The following EXOC4 variants were observed in gnomAD, a reference collection of about 807,000 sequenced individuals.
EXOC4 encodes the protein exocyst complex component 4.
Under a neutral mutation model 107.2 loss-of-function variants are expected in EXOC4, and 71 were observed. The ratio of observed to expected loss-of-function variants is 0.66; its 90% CI spans 0.55 to 0.81. The LOEUF (loss-of-function observed/expected upper bound fraction) is 0.81. Ranked by LOEUF, EXOC4 falls within the 30% of genes least tolerant of loss-of-function variation. The pLI, the probability that EXOC4 is intolerant of heterozygous loss-of-function variation, is 0.00. For missense variants in EXOC4, 1,108 were observed against 1,189.6 expected, an observed-to-expected ratio of 0.93 and a Z score of 1.01; for synonymous variants, 456 against 441.2, an observed-to-expected ratio of 1.03 and a Z score of -0.42.
chr7:134,045,319 C>G (rs1283717088), intron 17 of EXOC4, among the ~76,000 whole-genome samples: 2 of 152,146 alleles, frequency 1.3e-5, no homozygotes, highest in Non-Finnish European at 2.9e-5. Flanking sequence ...AGTTCAAAGG[C>G]ATTTAGTACA....
chr7:133,971,506 T>C (rs142174410), intron 14 of EXOC4, among the ~76,000 whole-genome samples: 160 of 151,510 alleles, frequency 1.1e-3, no homozygotes, highest in African/African-American at 3.4e-3. Flanking sequence ...TTTTTTCTTA[T>C]AGAAGATTGT....
intron 9 of EXOC4, among the ~76,000 whole-genome samples, chr7:133,559,601 A>G (rs1018552174): frequency 4.6e-5 from 7 of 152,206 alleles, no homozygotes; most frequent in African/African-American, 1.7e-4. Context: ...GCATAAACAA[A>G]GTTGGGTAAT....
At chr7:133,555,528 T>G (rs1489355757) in intron 9 of EXOC4, among the ~76,000 whole-genome samples, 2 of 152,208 alleles carry the variant, frequency 1.3e-5, no homozygotes, top group Non-Finnish European at 2.9e-5. Context: ...AAATTTTGGC[T>G]TTGCTACTCC....
intron 9 of EXOC4, among the ~76,000 whole-genome samples, chr7:133,594,330 CT>C (rs1801614297): frequency 6.6e-6 from 1 of 152,094 alleles, no homozygotes; most frequent in African/African-American, 2.4e-5. Flanking sequence ...AGACCTTTCT[CT>C]CTTCTTTTCC....
chr7:133,782,502 T>C (rs1796488153), intron 10 of EXOC4, among the ~76,000 whole-genome samples: 1 of 152,164 alleles, frequency 6.6e-6, no homozygotes, highest in South Asian at 2.1e-4. Context: ...TCTTTTGCAA[T>C]AATCTGCTTG....
chr7:133,429,694 G>C (rs1797809944), intron 7 of EXOC4, among the ~76,000 whole-genome samples: 1 of 152,190 alleles, frequency 6.6e-6, no homozygotes, highest in Admixed American at 6.5e-5. Flanking sequence ...CATGTAAATA[G>C]AATCATACAG....
chr7:133,668,584 C>T (rs1793868942), intron 10 of EXOC4, among the ~76,000 whole-genome samples: 1 of 152,176 alleles, frequency 6.6e-6, no homozygotes. Context: ...TGAAATTTAA[C>T]TGAAGTGTTA....
chr7:133,475,100 A>T (rs1478051013), intron 7 of EXOC4, among the ~76,000 whole-genome samples: 1 of 152,140 alleles, frequency 6.6e-6, no homozygotes, highest in Non-Finnish European at 1.5e-5. Context: ...TTTTACTCCC[A>T]TGTTCAAATG....
intron 1 of EXOC4, among the ~76,000 whole-genome samples, chr7:133,270,949 C>T (rs1210966791): frequency 7.0e-6 from 1 of 143,608 alleles, no homozygotes; most frequent in African/African-American, 2.6e-5. Context: ...GATGGAGTCT[C>T]TCTCTGTTGC....
chr7:133,548,659 C>T (rs1169243325), intron 9 of EXOC4, among the ~76,000 whole-genome samples: 3 of 152,186 alleles, frequency 2.0e-5, no homozygotes, highest in Non-Finnish European at 4.4e-5. Flanking sequence ...CCTAATGAAC[C>T]AGCCTCTGTT....
intron 14 of EXOC4, among the ~76,000 whole-genome samples, chr7:133,977,560 C>T (rs1793867650): frequency 6.6e-6 from 1 of 152,222 alleles, no homozygotes; most frequent in Admixed American, 6.5e-5. Flanking sequence ...CCTTGGCTCA[C>T]AGCTAGAGAG....
intron 10 of EXOC4, among the ~76,000 whole-genome samples, chr7:133,658,407 C>T (rs1171136819): frequency 1.3e-5 from 2 of 152,136 alleles, no homozygotes; most frequent in Non-Finnish European, 2.9e-5. Context: ...TACATCTGCC[C>T]TGTGCCCAAA....
At chr7:133,364,278 A>G (rs1796200507) in intron 6 of EXOC4, among the ~76,000 whole-genome samples, 1 of 151,454 alleles carries the variant, frequency 6.6e-6, no homozygotes, top group African/African-American at 2.4e-5. Context: ...CTACAGTTAT[A>G]TGACACGATG....
intron 10 of EXOC4, among the ~76,000 whole-genome samples, chr7:133,784,112 ATT>A (rs1354083310): frequency 6.6e-6 from 1 of 152,132 alleles, no homozygotes; most frequent in Non-Finnish European, 1.5e-5. Flanking sequence ...ATGCCGCTTA[ATT>A]TTTTAAAAGA....
intron 12 of EXOC4, among the ~76,000 whole-genome samples, chr7:133,909,886 T>C (rs575579372): frequency 6.6e-6 from 1 of 150,976 alleles, no homozygotes; most frequent in South Asian, 2.1e-4. Flanking sequence ...TGCTTTATTA[T>C]AAGAAAAATC....
At chr7:133,783,013 A>G (rs1796499399) in intron 10 of EXOC4, among the ~76,000 whole-genome samples, 1 of 152,176 alleles carries the variant, frequency 6.6e-6, no homozygotes, top group South Asian at 2.1e-4. Flanking sequence ...ATTTTGGACA[A>G]GTTACTTAAC....
chr7:133,496,060 C>A (rs910212000), intron 9 of EXOC4, among the ~76,000 whole-genome samples: 1 of 152,076 alleles, frequency 6.6e-6, no homozygotes, highest in Non-Finnish European at 1.5e-5. Context: ...TCTTCCCCTG[C>A]CCCCATACTG....
chr7:133,629,707 A>G (rs1397093390), intron 9 of EXOC4, among the ~76,000 whole-genome samples: 1 of 142,932 alleles, frequency 7.0e-6, no homozygotes, highest in Non-Finnish European at 1.5e-5. Context: ...TGCCTGGCTA[A>G]TTTTTTTTTT....
intron 10 of EXOC4, among the ~76,000 whole-genome samples, chr7:133,731,056 G>C (rs1795315556): frequency 6.6e-6 from 1 of 152,078 alleles, no homozygotes; most frequent in African/African-American, 2.4e-5. Context: ...ATTTAAATAA[G>C]CAGCATATTT....
Sources: gnomAD v4.1 joint callset for allele counts (sites outside exome capture counted in the v4.1 genomes callset) on GRCh38, gnomAD v4.1.1 for gene constraint, MANE v1.5 for transcripts, NCBI Gene and HGNC (gene_info 2026-07-23, HGNC 2026-07-21) for gene names.